Variants in SHROOM4 observed in about 807,000 individuals in gnomAD.
The protein encoded by SHROOM4 is protein Shroom4.
Under a neutral mutation model 80.3 loss-of-function variants are expected in SHROOM4, and 17 were observed. That is an observed-to-expected ratio of 0.21 (90% CI 0.14 to 0.32). SHROOM4 has a LOEUF of 0.32. SHROOM4 is among the 10% of genes least tolerant of loss of function. The probability of loss-of-function intolerance (pLI) is 1.00; values close to 1 mark genes in which losing one functional copy is unlikely to be tolerated. For synonymous variants in SHROOM4, 400 were observed against 437.5 expected, an observed-to-expected ratio of 0.91 and a Z score of 1.07; for missense variants, 993 against 1,140.3, an observed-to-expected ratio of 0.87 and a Z score of 1.86.
At chrX:50,702,407 T>C (rs1376738642) in intron 1 of SHROOM4, among the ~76,000 whole-genome samples, 2 of 111,615 alleles carry the variant, frequency 1.8e-5, no homozygotes, top group Non-Finnish European at 3.8e-5. Flanking sequence ...GCTTTATTAA[T>C]AATAGAAAGT....
chrX:50,585,557 C>T (rs1928743196), downstream of SHROOM4, among the ~76,000 whole-genome samples: 4 of 111,646 alleles, frequency 3.6e-5, no homozygotes, highest in Admixed American at 2.9e-4. Flanking sequence ...AGGACTTCAT[C>T]CTCTGGGCAG....
At chrX:50,740,701 T>C (rs1273443767) in intron 1 of SHROOM4, among the ~76,000 whole-genome samples, 1 of 111,873 alleles carries the variant, frequency 8.9e-6, no homozygotes, top group Non-Finnish European at 1.9e-5. Context: ...TATGTTAGGG[T>C]ATAAAATAGT....
chrX:50,667,087 A>T (rs949297932), intron 2 of SHROOM4, among the ~76,000 whole-genome samples: 2 of 111,536 alleles, frequency 1.8e-5, no homozygotes, highest in Non-Finnish European at 3.8e-5. Context: ...CTCTTGTTAG[A>T]TTGGAGCTCT....
intron 1 of SHROOM4, among the ~76,000 whole-genome samples, chrX:50,762,168 T>A (rs1310741933): frequency 9.0e-6 from 1 of 110,714 alleles, no homozygotes; most frequent in Non-Finnish European, 1.9e-5. Context: ...CTTATGCTGT[T>A]TGAAGGAACA....
At chrX:50,726,963 C>CA (rs1243222975) in intron 1 of SHROOM4, among the ~76,000 whole-genome samples, 7 of 112,999 alleles carry the variant, frequency 6.2e-5, no homozygotes, top group African/African-American at 2.2e-4. Flanking sequence ...AAGCCACAGG[C>CA]ATTCAATGCC....
chrX:50,708,475 A>G (rs1933731572), intron 1 of SHROOM4, among the ~76,000 whole-genome samples: 1 of 112,361 alleles, frequency 8.9e-6, no homozygotes, highest in Admixed American at 9.4e-5. Context: ...CAGAAACCAC[A>G]GGATTCCTAC....
chrX:50,786,628 T>C (rs1420863371), intron 1 of SHROOM4, among the ~76,000 whole-genome samples: 2 of 111,439 alleles, frequency 1.8e-5, no homozygotes, highest in African/African-American at 6.6e-5. Flanking sequence ...AAAGGCCCCC[T>C]AAATCTCTAG....
chrX:50,791,092 T>C (rs1023665740), intron 1 of SHROOM4, among the ~76,000 whole-genome samples: 1 of 110,853 alleles, frequency 9.0e-6, no homozygotes, highest in Non-Finnish European at 1.9e-5. Context: ...AAAAAACTGT[T>C]AGAACTAATA....
At chrX:50,803,582 C>CT (rs1382882606) in intron 1 of SHROOM4, among the ~76,000 whole-genome samples, 5 of 111,705 alleles carry the variant, frequency 4.5e-5, no homozygotes, top group African/African-American at 6.5e-5. Flanking sequence ...CCAATTCTTC[C>CT]TTTTTTCACA....
intron 1 of SHROOM4, among the ~76,000 whole-genome samples, chrX:50,703,793 T>C (rs1251785327): frequency 5.3e-5 from 6 of 112,229 alleles, no homozygotes; most frequent in Non-Finnish European, 9.4e-5. Flanking sequence ...ACCTTTTTTG[T>C]TTATACATTA....
intron 2 of SHROOM4, among the ~76,000 whole-genome samples, chrX:50,653,002 ATGCCTCCAG>A (rs1302424684): frequency 9.0e-6 from 1 of 111,687 alleles, no homozygotes; most frequent in Non-Finnish European, 1.9e-5. Context: ...AGGTAGCATG[ATGCCTCCAG>A]CTTTGTTCTT....
intron 1 of SHROOM4, among the ~76,000 whole-genome samples, chrX:50,788,632 GAC>G (rs1389434221): frequency 2.8e-5 from 3 of 108,635 alleles, no homozygotes; most frequent in African/African-American, 1.0e-4. Flanking sequence ...AAAATTATAA[GAC>G]AGAAAATAAT....
chrX:50,618,243 C>T (rs1930335268), intron 5 of SHROOM4, among the ~76,000 whole-genome samples: 1 of 108,868 alleles, frequency 9.2e-6, no homozygotes, highest in South Asian at 4.1e-4. Flanking sequence ...GGAAAAGGAA[C>T]TACTCTGGTT....
intron 5 of SHROOM4, among the ~76,000 whole-genome samples, chrX:50,613,408 G>A (rs1454696002): frequency 8.9e-6 from 1 of 112,044 alleles, no homozygotes; most frequent in African/African-American, 3.2e-5. Context: ...GCCACTGTGC[G>A]CAGCCTCATC....
chrX:50,738,192 G>T (rs1438790455), intron 1 of SHROOM4, among the ~76,000 whole-genome samples: 1 of 110,898 alleles, frequency 9.0e-6, no homozygotes, highest in African/African-American at 3.3e-5. Context: ...AATAATAAGA[G>T]CTATTTATGA....
intron 2 of SHROOM4, among the ~76,000 whole-genome samples, chrX:50,689,939 T>C (rs1453422421): frequency 7.2e-5 from 8 of 111,845 alleles, no homozygotes; most frequent in African/African-American, 2.6e-4. Context: ...GGTATCAGAG[T>C]AATGCTAGCT....
chrX:50,797,283 T>C (rs1213397497), intron 1 of SHROOM4, among the ~76,000 whole-genome samples: 2 of 111,703 alleles, frequency 1.8e-5, no homozygotes, highest in African/African-American at 6.5e-5. Flanking sequence ...ACAATGCCAA[T>C]GACTAGCAAT....
intron 2 of SHROOM4, among the ~76,000 whole-genome samples, chrX:50,668,397 G>C (rs1284384963): frequency 9.0e-6 from 1 of 111,511 alleles, no homozygotes; most frequent in South Asian, 3.9e-4. Context: ...CCCTCCTCAG[G>C]TGTCAATAGA....
intron 1 of SHROOM4, among the ~76,000 whole-genome samples, chrX:50,717,321 G>A (rs1332452444): frequency 5.4e-5 from 6 of 111,769 alleles, no homozygotes; most frequent in Admixed American, 4.7e-4. Flanking sequence ...GGGTTCAAGC[G>A]ATTCTCCTAC....
Sources: allele counts gnomAD v4.1 joint callset (sites outside exome capture counted in the v4.1 genomes callset), GRCh38; gene constraint gnomAD v4.1.1; transcripts MANE v1.5; gene names NCBI Gene and HGNC (gene_info 2026-07-23, HGNC 2026-07-21).